OR1J2: variants seen among roughly 807,000 people sequenced by gnomAD.
OR1J2 encodes olfactory receptor 1J2.
For synonymous variants in OR1J2, 142 were observed against 99.7 expected, an observed-to-expected ratio of 1.42 and a Z score of -2.52; for missense variants, 304 against 246.1, an observed-to-expected ratio of 1.24 and a Z score of -1.57.
the OR1J2 span, among the ~76,000 whole-genome samples, chr9:122,556,128 T>C: frequency 6.6e-6 from 1 of 152,200 alleles, no homozygotes; most frequent in Non-Finnish European, 1.5e-5. Flanking sequence ...AATCATACAG[T>C]ATATTGCCTT....
chr9:122,577,534 T>C, the OR1J2 span, among the ~76,000 whole-genome samples: 1 of 152,190 alleles, frequency 6.6e-6, no homozygotes, highest in Non-Finnish European at 1.5e-5. Flanking sequence ...TCAGTAAGCA[T>C]GTGAACAAGT....
the OR1J2 span, chr9:122,477,927 G>A: frequency 1.3e-6 from 2 of 1,580,558 alleles, no homozygotes; most frequent in South Asian, 2.3e-5. Flanking sequence ...CAGGGCTCAT[G>A]TTTATATCAG....
the OR1J2 span, chr9:122,526,705 C>T: frequency 6.2e-7 from 1 of 1,614,154 alleles, no homozygotes; most frequent in South Asian, 1.1e-5. Context: ...AAGACAAAAA[C>T]CATCATCTCG....
At chr9:122,483,434 G>A in the OR1J2 span, among the ~76,000 whole-genome samples, 1 of 152,152 alleles carries the variant, frequency 6.6e-6, no homozygotes, top group African/African-American at 2.4e-5. Flanking sequence ...TAAACTGTAT[G>A]CCATATGTGT....
chr9:122,564,404 G>C, the OR1J2 span, among the ~76,000 whole-genome samples: 1 of 152,054 alleles, frequency 6.6e-6, no homozygotes, highest in African/African-American at 2.4e-5. Flanking sequence ...CTTGTGGAGT[G>C]GGGGGGTATT....
the OR1J2 span, chr9:122,554,115 G>A: frequency 1.9e-6 from 3 of 1,613,458 alleles, no homozygotes; most frequent in Admixed American, 1.7e-5. Flanking sequence ...AGACATGAAG[G>A]AGGCTTTGGG....
chr9:122,552,754 G>GTGTGTA, the OR1J2 span, among the ~76,000 whole-genome samples: 2 of 66,358 alleles, frequency 3.0e-5, no homozygotes, highest in Non-Finnish European at 7.3e-5. Flanking sequence ...GCTTGAGTGT[G>GTGTGTA]TGTGTGTGTG....
chr9:122,531,061 G>T, the OR1J2 span, among the ~76,000 whole-genome samples: 1 of 152,222 alleles, frequency 6.6e-6, no homozygotes, highest in East Asian at 1.9e-4. Context: ...TAAAATGTTG[G>T]GATGGTGAAA....
the OR1J2 span, among the ~76,000 whole-genome samples, chr9:122,564,995 G>A: frequency 6.6e-6 from 1 of 152,202 alleles, no homozygotes; most frequent in East Asian, 1.9e-4. Flanking sequence ...ACATTTGTGT[G>A]TCAAAAAGTA....
At chr9:122,468,735 CCTGA>C in the OR1J2 span, among the ~76,000 whole-genome samples, 1 of 152,170 alleles carries the variant, frequency 6.6e-6, no homozygotes, top group African/African-American at 2.4e-5. Context: ...GGGATTCCTC[CCTGA>C]CTGTGTTTTT....
the OR1J2 span, among the ~76,000 whole-genome samples, chr9:122,476,178 A>G: frequency 6.6e-6 from 1 of 152,344 alleles, no homozygotes; most frequent in Non-Finnish European, 1.5e-5. Context: ...TGTGGGCTAT[A>G]TTCTGGAAGG....
chr9:122,452,302 T>C, the OR1J2 span, among the ~76,000 whole-genome samples: 1 of 152,182 alleles, frequency 6.6e-6, no homozygotes, highest in East Asian at 1.9e-4. Flanking sequence ...GTAATACCAA[T>C]TGTATCACAG....
chr9:122,552,870 A>G, the OR1J2 span, among the ~76,000 whole-genome samples: 1 of 151,092 alleles, frequency 6.6e-6, no homozygotes, highest in Non-Finnish European at 1.5e-5. Flanking sequence ...GGCTTTTCTA[A>G]TCTTGCCATC....
At chr9:122,449,531 A>G in the OR1J2 span, among the ~76,000 whole-genome samples, 1 of 151,960 alleles carries the variant, frequency 6.6e-6, no homozygotes, top group Non-Finnish European at 1.5e-5. Context: ...CACCATGCCC[A>G]GCTAATTTTT....
the OR1J2 span, among the ~76,000 whole-genome samples, chr9:122,487,949 A>G: frequency 0.047 from 7,083 of 152,272 alleles, 167 homozygotes; most frequent in Middle Eastern, 0.11. Context: ...TTTGATGTAG[A>G]TAGTATTTTT....
chr9:122,490,620 GA>G, the OR1J2 span, among the ~76,000 whole-genome samples: 1 of 152,216 alleles, frequency 6.6e-6, no homozygotes, highest in South Asian at 2.1e-4. Flanking sequence ...GAAAGGGAGA[GA>G]AACAGAGGAA....
chr9:122,529,572 TCTCTACTCAAGCA>T, the OR1J2 span, among the ~76,000 whole-genome samples: 2 of 152,186 alleles, frequency 1.3e-5, no homozygotes, highest in Non-Finnish European at 2.9e-5. Context: ...TATTTTTTGG[TCTCTACTCAAGCA>T]CTCTGCACCA....
At chr9:122,506,380 C>T (rs1828523645), upstream of OR1J2, among the ~76,000 whole-genome samples, 1 of 152,130 alleles carries the variant, frequency 6.6e-6, no homozygotes, top group Non-Finnish European at 1.5e-5. Context: ...ATATCTTTAA[C>T]TGGAGATTAC....
At chr9:122,552,753 T>A in the OR1J2 span, among the ~76,000 whole-genome samples, 4 of 65,796 alleles carry the variant, frequency 6.1e-5, no homozygotes, top group African/African-American at 1.7e-4. Context: ...GGCTTGAGTG[T>A]GTGTGTGTGT....
Sources: gnomAD v4.1 joint callset for allele counts (sites outside exome capture counted in the v4.1 genomes callset) on GRCh38, gnomAD v4.1.1 for gene constraint, MANE v1.5 for transcripts, NCBI Gene and HGNC (gene_info 2026-07-23, HGNC 2026-07-21) for gene names.